OLFM3: variants seen among roughly 807,000 people sequenced by gnomAD.
OLFM3 encodes noelin-3.
OLFM3 carries 20 observed loss-of-function variants against 48.6 expected under a neutral mutation model. That is an observed-to-expected ratio of 0.41 (90% CI 0.29 to 0.60). OLFM3 has a LOEUF of 0.60. Among genes scored for constraint, OLFM3 ranks in the 20% least tolerant of loss-of-function variants. The pLI, the probability that OLFM3 is intolerant of heterozygous loss-of-function variation, is 0.28. For missense variants in OLFM3, 437 were observed against 544.3 expected (o/e 0.80, Z 1.96); for synonymous variants, 222 against 198.1 (o/e 1.12, Z -1.01).
In OLFM3 at chr1:101,826,290, CATAGTAGTGAAA is replaced by C. The variant is rs925819327; in HGVS notation, c.373-1057_373-1046del. On this transcript the variant is annotated intron_variant, in intron 3 of 5. Transcript: ENST00000370103. ...ACCGTTACTTCTTTCTCTCTAACTT[CATAGTAGTGAAA>C]ATAGTAGTGAAAATAAATAAATATT... Among the ~76,000 whole-genome samples the C allele has an allele frequency of 1.2e-4, 18 of 152,108 alleles. 1 individual carries two copies. The highest frequency in any genetic ancestry group is 2.1e-4 in the South Asian group (1 of 4,816).
At chr1:101,858,176 C>T (rs1294954701) in intron 1 of OLFM3, among the ~76,000 whole-genome samples, 1 of 152,018 alleles carries the variant, frequency 6.6e-6, no homozygotes, top group African/African-American at 2.4e-5. Context: ...AATTTTCTCT[C>T]ATATATTTTC....
chr1:101,930,389 A>G (rs1435408799), intron 1 of OLFM3, among the ~76,000 whole-genome samples: 1 of 152,194 alleles, frequency 6.6e-6, no homozygotes, highest in Admixed American at 6.5e-5. Context: ...TGAAGTCTGC[A>G]TGGTAGAGTG....
At chr1:101,882,286 A>G (rs1360982855) in intron 1 of OLFM3, among the ~76,000 whole-genome samples, 2 of 148,408 alleles carry the variant, frequency 1.3e-5, no homozygotes, top group African/African-American at 4.9e-5. Flanking sequence ...ACAAAACAAC[A>G]CTATGTTATT....
At chr1:101,873,473 G>C (rs774607546) in intron 1 of OLFM3, among the ~76,000 whole-genome samples, 10 of 151,786 alleles carry the variant, frequency 6.6e-5, no homozygotes, top group Non-Finnish European at 1.2e-4. Flanking sequence ...TATCATGTTA[G>C]TCATTTGTGG....
At chr1:101,982,504 A>G (rs1661130950) in intron 1 of OLFM3, among the ~76,000 whole-genome samples, 1 of 152,252 alleles carries the variant, frequency 6.6e-6, no homozygotes, top group East Asian at 1.9e-4. Flanking sequence ...TGACCAGGCT[A>G]TGGAGTTCCC....
At chr1:101,893,160 G>A in intron 1 of OLFM3, 1 of 258,756 alleles carries the variant, frequency 3.9e-6, no homozygotes. Context: ...CCAGCTCTCA[G>A]TAACCTTAGA....
intron 1 of OLFM3, among the ~76,000 whole-genome samples, chr1:101,958,742 G>T (rs1366581002): frequency 6.7e-6 from 1 of 150,006 alleles, no homozygotes; most frequent in Non-Finnish European, 1.5e-5. Flanking sequence ...AAATAGAGTG[G>T]GTATAGTCTC....
intron 1 of OLFM3, among the ~76,000 whole-genome samples, chr1:101,933,598 T>C (rs1312977239): frequency 1.3e-5 from 2 of 152,086 alleles, no homozygotes; most frequent in Non-Finnish European, 2.9e-5. Flanking sequence ...CATTCAAATT[T>C]AGAAAATGCA....
intron 1 of OLFM3, among the ~76,000 whole-genome samples, chr1:101,984,699 T>G (rs1661189411): frequency 6.6e-6 from 1 of 152,322 alleles, no homozygotes; most frequent in South Asian, 2.1e-4. Flanking sequence ...TGTGGCCGGC[T>G]GCAATTTTTC....
At chr1:101,881,516 A>AT (rs1657525191) in intron 1 of OLFM3, among the ~76,000 whole-genome samples, 2 of 151,942 alleles carry the variant, frequency 1.3e-5, no homozygotes, top group South Asian at 4.1e-4. Context: ...CCGTATAATA[A>AT]TAAGACTCAG....
chr1:101,883,209 A>G (rs1051776014), intron 1 of OLFM3, among the ~76,000 whole-genome samples: 12 of 151,572 alleles, frequency 7.9e-5, no homozygotes, highest in African/African-American at 2.4e-5. Flanking sequence ...AAAAAAATCA[A>G]TGTTTTTAGC....
intron 1 of OLFM3, among the ~76,000 whole-genome samples, chr1:101,960,393 A>G (rs1485785057): frequency 6.6e-6 from 1 of 152,206 alleles, no homozygotes; most frequent in Non-Finnish European, 1.5e-5. Context: ...GGGAGTGAGG[A>G]GACCTGCAGA....
chr1:101,857,094 T>G (rs1656452881), intron 1 of OLFM3, among the ~76,000 whole-genome samples: 1 of 152,004 alleles, frequency 6.6e-6, no homozygotes, highest in Non-Finnish European at 1.5e-5. Context: ...GGTCCTATAC[T>G]CCAAAAGACA....
intron 3 of OLFM3, among the ~76,000 whole-genome samples, chr1:101,826,129 AACACAC>A (rs66617960): frequency 0.11 from 15,047 of 132,930 alleles, 892 homozygotes; most frequent in Non-Finnish European, 0.14. Flanking sequence ...ACTTTCGTCA[AACACAC>A]ACACACACAC....
intron 1 of OLFM3, among the ~76,000 whole-genome samples, chr1:101,883,955 T>C (rs1168980285): frequency 6.6e-6 from 1 of 151,784 alleles, no homozygotes; most frequent in Admixed American, 6.6e-5. Flanking sequence ...TTAATCCTGG[T>C]CTGTATTGAT....
At chr1:101,995,349 A>C (rs539571069) in intron 1 of OLFM3, among the ~76,000 whole-genome samples, 1 of 152,254 alleles carries the variant, frequency 6.6e-6, no homozygotes, top group African/African-American at 2.4e-5. Flanking sequence ...AAGAAGAAAA[A>C]AAATTAAATA....
intron 1 of OLFM3, chr1:101,893,331 G>A: frequency 2.6e-6 from 1 of 383,794 alleles, no homozygotes; most frequent in Non-Finnish European, 5.3e-6. Context: ...ATAGAACCCG[G>A]AATAGCTCAG....
chr1:101,984,244 T>G (rs1423370934), intron 1 of OLFM3, among the ~76,000 whole-genome samples: 1 of 82,182 alleles, frequency 1.2e-5, no homozygotes, highest in African/African-American at 5.5e-5. Context: ...CAAGACTCTG[T>G]CTCAAAAAAA....
chr1:101,814,527 C>T (rs1428411111), intron 4 of OLFM3, among the ~76,000 whole-genome samples: 1 of 152,100 alleles, frequency 6.6e-6, no homozygotes, highest in Non-Finnish European at 1.5e-5. Flanking sequence ...CAGTGTGTGA[C>T]ATTTAATTTG....
Sources: gnomAD v4.1 joint callset for allele counts (sites outside exome capture counted in the v4.1 genomes callset) on GRCh38, gnomAD v4.1.1 for gene constraint, MANE v1.5 for transcripts, NCBI Gene and HGNC (gene_info 2026-07-23, HGNC 2026-07-21) for gene names.